The following ERBB4 variants were observed in gnomAD, a reference collection of about 807,000 sequenced individuals.
The protein encoded by ERBB4 is receptor tyrosine-protein kinase erbB-4.
In ERBB4, 42 loss-of-function variants were observed where a neutral mutation model predicts 158.0. The observed-to-expected ratio is 0.27, with a 90% CI of 0.21 to 0.34. The LOEUF (loss-of-function observed/expected upper bound fraction) is 0.34, where lower values mean the gene tolerates loss of function less well. Ranked by LOEUF, ERBB4 falls within the 10% of genes least tolerant of loss-of-function variation. ERBB4 has a pLI of 1.00. For synonymous variants in ERBB4, 583 were observed against 558.7 expected (o/e 1.04, Z -0.61); for missense variants, 1,333 against 1,624.1 (o/e 0.82, Z 3.08).
In ERBB4 at chr2:211,419,962, C is replaced by T. The variant is rs1021489452; in HGVS notation, c.3135+479G>A. 7.3e-4 allele frequency among the ~76,000 whole-genome samples: 111 copies of T among 151,936 alleles called. 6 individuals carry two copies. Among genetic ancestry groups the T allele is most frequent in the African/African-American group, 1.2e-4 (5 of 41,408 alleles). On this transcript the variant is annotated intron_variant, in intron 25 of 27. Transcript: ENST00000342788. ...ATGTGATTAGGTTCAAAGGACTGCA[C>T]GGTTTTCTGTGTTTCTACTTCAACT...
chr2:211,889,546 G>C (rs1300444823), intron 3 of ERBB4, among the ~76,000 whole-genome samples: 1 of 151,558 alleles, frequency 6.6e-6, no homozygotes, highest in East Asian at 1.9e-4. Context: ...AAGGAACAAA[G>C]CTGGATGGAG....
At chr2:211,850,984 T>G (rs1201166829) in intron 3 of ERBB4, among the ~76,000 whole-genome samples, 4 of 152,014 alleles carry the variant, frequency 2.6e-5, no homozygotes, top group Admixed American at 1.3e-4. Flanking sequence ...TTGTTTTGAC[T>G]CTGCTCTGCC....
chr2:211,881,318 A>G (rs1362345007), intron 3 of ERBB4, among the ~76,000 whole-genome samples: 1 of 152,168 alleles, frequency 6.6e-6, no homozygotes, highest in East Asian at 1.9e-4. Context: ...AGTCATCGGC[A>G]GTTTCCCTTT....
At chr2:211,741,015 C>T (rs1409318268) in intron 5 of ERBB4, among the ~76,000 whole-genome samples, 1 of 152,182 alleles carries the variant, frequency 6.6e-6, no homozygotes, top group Non-Finnish European at 1.5e-5. Context: ...TTCATGCTTG[C>T]TAAATTCTCA....
chr2:211,679,221 G>A (rs1189829946), intron 12 of ERBB4, 37 bp from the exon 13 acceptor site: 3 of 1,610,228 alleles, frequency 1.9e-6, no homozygotes, highest in Non-Finnish European at 8.5e-7. Flanking sequence ...ATAAAACAGA[G>A]GATTGTGTCA....
chr2:212,526,158 A>C (rs968491694), intron 1 of ERBB4, among the ~76,000 whole-genome samples: 1 of 152,066 alleles, frequency 6.6e-6, no homozygotes, highest in Admixed American at 6.6e-5. Context: ...GTGGGAGACA[A>C]ACTTCATCTG....
chr2:211,605,531 A>G (rs2068949055), intron 19 of ERBB4, among the ~76,000 whole-genome samples: 1 of 152,138 alleles, frequency 6.6e-6, no homozygotes, highest in East Asian at 1.9e-4. Flanking sequence ...TACCCCTAAG[A>G]GAGCTTACAG....
At chr2:212,198,733 C>CTTTTTTTT (rs11448093) in intron 1 of ERBB4, among the ~76,000 whole-genome samples, 2 of 96,426 alleles carry the variant, frequency 2.1e-5, no homozygotes, top group African/African-American at 4.6e-5. Context: ...TCACCACGCC[C>CTTTTTTTT]TTTTTTTTTT....
intron 3 of ERBB4, among the ~76,000 whole-genome samples, chr2:211,831,385 G>C (rs1213297075): frequency 2.0e-5 from 3 of 151,986 alleles, no homozygotes; most frequent in African/African-American, 7.3e-5. Flanking sequence ...AGCTTTTCAG[G>C]GTCTTGTTAA....
chr2:212,002,532 T>C (rs1480535080), intron 2 of ERBB4, among the ~76,000 whole-genome samples: 5 of 151,844 alleles, frequency 3.3e-5, no homozygotes, highest in Non-Finnish European at 7.4e-5. Flanking sequence ...CAAAAATAAA[T>C]TCTAAAAATA....
At chr2:212,092,483 A>G (rs1318323440) in intron 2 of ERBB4, among the ~76,000 whole-genome samples, 3 of 152,166 alleles carry the variant, frequency 2.0e-5, no homozygotes, top group African/African-American at 7.2e-5. Context: ...AGTTATTCCA[A>G]TTTTTCTGAC....
intron 1 of ERBB4, among the ~76,000 whole-genome samples, chr2:212,129,209 T>C (rs1315458975): frequency 2.0e-5 from 3 of 151,518 alleles, no homozygotes; most frequent in Non-Finnish European, 4.4e-5. Flanking sequence ...TTTCTCTCAA[T>C]TGGAAATAAT....
chr2:212,341,060 T>C (rs2088686090), intron 1 of ERBB4, among the ~76,000 whole-genome samples: 1 of 152,088 alleles, frequency 6.6e-6, no homozygotes, highest in Non-Finnish European at 1.5e-5. Context: ...ATAAAATATT[T>C]AATCTTATTG....
At chr2:212,321,442 G>C (rs1368866850) in intron 1 of ERBB4, among the ~76,000 whole-genome samples, 1 of 150,558 alleles carries the variant, frequency 6.6e-6, no homozygotes, top group Non-Finnish European at 1.5e-5. Flanking sequence ...ACTGGGCATA[G>C]TGCGTCATGC....
At chr2:211,921,331 T>C (rs1294624721) in intron 3 of ERBB4, among the ~76,000 whole-genome samples, 1 of 152,002 alleles carries the variant, frequency 6.6e-6, no homozygotes. Flanking sequence ...GCTTGGAGTG[T>C]TGGATCTGAG....
intron 5 of ERBB4, among the ~76,000 whole-genome samples, chr2:211,740,622 C>CTT (rs1169540948): frequency 0.034 from 3,026 of 90,174 alleles, 122 homozygotes; most frequent in African/African-American, 0.063. Flanking sequence ...TTTTCTTTGT[C>CTT]TTTTTTTTTT....
In ERBB4 at chr2:211,705,338, C is replaced by T. The variant is rs746784831; in HGVS notation, c.1178G>A (p.Arg393Gln). 2.0e-5 allele frequency: 32 copies of T among 1,611,860 alleles called. No homozygotes were observed. The highest frequency in any genetic ancestry group is 3.3e-5 in the Admixed American group (2 of 59,976). ...AIDPEKLNVF[R>Q]TVREITGFLN... ...ATTACCTGTTATCTCTCTGACTGTCCGAAAGACGTTCAGTTTCTCTGGGTC... is the reference window on the plus strand; with the variant it reads ...ATTACCTGTTATCTCTCTGACTGTCTGAAAGACGTTCAGTTTCTCTGGGTC... The change falls in exon 10 of 28, where the codon CGG becomes CAG. Residue 393 changes from arginine (R) to glutamine (Q), a missense_variant. Arg to Gln is a conservative substitution (Grantham distance 43, BLOSUM62 1). This residue lies in a region of ERBB4 where 438 missense variants were observed against 586.9 expected (regional missense o/e 0.75). Transcript: ENST00000342788.
intron 4 of ERBB4, among the ~76,000 whole-genome samples, chr2:211,752,240 A>C (rs997393126): frequency 3.9e-5 from 6 of 152,132 alleles, no homozygotes; most frequent in African/African-American, 1.2e-4. Flanking sequence ...GAAATTAGAA[A>C]GGACTGTGAG....
chr2:212,234,679 T>A (rs1161966220), intron 1 of ERBB4, among the ~76,000 whole-genome samples: 1 of 152,210 alleles, frequency 6.6e-6, no homozygotes, highest in Non-Finnish European at 1.5e-5. Flanking sequence ...CCATTCTAAC[T>A]GGCATGAGAT....
Sources: allele counts gnomAD v4.1 joint callset (sites outside exome capture counted in the v4.1 genomes callset), GRCh38; gene constraint gnomAD v4.1.1; regional missense constraint gnomAD v4.1.1; transcripts MANE v1.5; gene names NCBI Gene and HGNC (gene_info 2026-07-23, HGNC 2026-07-21).